The following VPS13C variants were observed in gnomAD, a reference collection of about 807,000 sequenced individuals.
VPS13C encodes intermembrane lipid transfer protein VPS13C.
VPS13C carries 358 observed loss-of-function variants against 456.8 expected under a neutral mutation model. The ratio of observed to expected loss-of-function variants is 0.78; its 90% CI spans 0.72 to 0.86. VPS13C has a LOEUF of 0.86. VPS13C is among the 40% of genes least tolerant of loss of function. VPS13C has a pLI of 0.00. For missense variants in VPS13C, 4,818 were observed against 4,385.4 expected, an observed-to-expected ratio of 1.10 and a Z score of -2.79; for synonymous variants, 1,578 against 1,486.7, an observed-to-expected ratio of 1.06 and a Z score of -1.41.
chr15:62,042,319 T>C (rs1287568651), intron 2 of VPS13C, among the ~76,000 whole-genome samples: 2 of 152,170 alleles, frequency 1.3e-5, no homozygotes, highest in Non-Finnish European at 2.9e-5. Context: ...TTTAGAATTA[T>C]TAAAAATTAA....
At chr15:62,027,013 GTAT>G (rs1288598511) in intron 6 of VPS13C, among the ~76,000 whole-genome samples, 1 of 151,816 alleles carries the variant, frequency 6.6e-6, no homozygotes, top group Non-Finnish European at 1.5e-5. Flanking sequence ...ATAATGCTTA[GTAT>G]TATTATGAAA....
rs756758620 is a variant in VPS13C at position 61,954,548 on chromosome 15, A to G, written c.4172T>C (p.Ile1391Thr). 2 of 1,574,920 alleles carry G rather than the reference A, an allele frequency of 1.3e-6. No homozygotes were observed. Among genetic ancestry groups the G allele is most frequent in the South Asian group, 2.4e-5 (2 of 82,188 alleles). ...TATAGAGATTTCAAGGGGCTCTTTA[A>G]TTTCACCTGAAATGTTTAAAAGAAA... is the stretch of plus-strand genomic sequence containing the variant. ...VKPRVQETGEIKEPLEISISQ... is the reference protein window; with the variant it reads ...VKPRVQETGETKEPLEISISQ... Residue 1391 changes from isoleucine to threonine, a missense_variant, in exon 38 of 85, where the codon ATT (isoleucine) becomes ACT (threonine). By Grantham distance (89) the Ile-to-Thr change is moderately conservative (BLOSUM62 -1). Transcript: ENST00000644861.
intron 65 of VPS13C, among the ~76,000 whole-genome samples, chr15:61,908,114 T>A (rs1196944602): frequency 6.6e-6 from 1 of 152,152 alleles, no homozygotes. Flanking sequence ...TTAACAAGAC[T>A]CCCAGGAGAT....
intron 9 of VPS13C, among the ~76,000 whole-genome samples, chr15:62,017,919 C>T (rs2047317609): frequency 6.6e-6 from 1 of 152,176 alleles, no homozygotes; most frequent in African/African-American, 2.4e-5. Context: ...TATCCATGAG[C>T]ATGGAATGTT....
chr15:62,027,313 A>G (rs891965014), intron 6 of VPS13C, among the ~76,000 whole-genome samples: 1 of 152,104 alleles, frequency 6.6e-6, no homozygotes, highest in African/African-American at 2.4e-5. Context: ...TGTTTTTAAC[A>G]ATGCTACCCA....
intron 80 of VPS13C, 43 bp downstream of exon 80, chr15:61,869,457 A>G (rs1305841394): frequency 6.3e-7 from 1 of 1,598,876 alleles, no homozygotes; most frequent in Non-Finnish European, 8.6e-7. Context: ...TGTAATAATT[A>G]GCACACAGAC....
chr15:61,990,578 A>C (rs1343971888), intron 18 of VPS13C, among the ~76,000 whole-genome samples: 1 of 152,156 alleles, frequency 6.6e-6, no homozygotes, highest in African/African-American at 2.4e-5. Context: ...TGGGAGGCCG[A>C]GGAAGGCAGG....
chr15:61,984,799 T>A, intron 19 of VPS13C, 58 bp downstream of exon 19: 1 of 1,541,446 alleles, frequency 6.5e-7, no homozygotes, highest in Non-Finnish European at 8.8e-7. Context: ...ATAACACACA[T>A]TTTTTGCCTA....
intron 39 of VPS13C, among the ~76,000 whole-genome samples, chr15:61,951,553 A>G (rs2044792463): frequency 6.6e-6 from 1 of 152,168 alleles, no homozygotes; most frequent in South Asian, 2.1e-4. Flanking sequence ...CATTTTTCAC[A>G]AATACATATT....
chr15:62,037,307 TA>T lies in VPS13C; in HGVS notation c.188-2256del, dbSNP rs1214593665. 9.8e-4 allele frequency among the ~76,000 whole-genome samples: 69 copies of T among 70,080 alleles called. 4 individuals carry two copies. Among genetic ancestry groups the T allele is most frequent in the East Asian group, 3.8e-3 (9 of 2,396 alleles). The allele number at this position is 70,080 out of a possible 152,430, so 46.0% of individuals were successfully genotyped here. On this transcript the variant is annotated intron_variant, in intron 3 of 84. Coordinates refer to ENST00000644861, the MANE Select transcript of VPS13C (RefSeq NM_020821.3). ...TATATATTATATTATATAATATATA[TA>T]TAAATATATTATATATTATATACAT...
chr15:61,929,476 T>A (rs2043980422), intron 51 of VPS13C, 25 bp downstream of exon 51: 1 of 1,607,820 alleles, frequency 6.2e-7, no homozygotes, highest in Non-Finnish European at 8.5e-7. Flanking sequence ...CAAGTTGTCA[T>A]CTATGACAGA....
chr15:62,013,008 G>A (rs1427784473), intron 11 of VPS13C, 31 bp downstream of exon 11: 1 of 1,562,784 alleles, frequency 6.4e-7, no homozygotes, highest in Non-Finnish European at 8.8e-7. Flanking sequence ...TGGGAGTGAA[G>A]TTAGCTCTTC....
chr15:61,873,604 A>G (rs1368486843), intron 77 of VPS13C, among the ~76,000 whole-genome samples, 195 bp from the exon 78 acceptor site: 1 of 152,196 alleles, frequency 6.6e-6, no homozygotes, highest in Non-Finnish European at 1.5e-5. Context: ...AGTGCAAATC[A>G]AAACCACAGT....
chr15:61,974,054 A>AG (rs1212916499), intron 25 of VPS13C, among the ~76,000 whole-genome samples: 24 of 152,278 alleles, frequency 1.6e-4, no homozygotes, highest in Non-Finnish European at 2.8e-4. Flanking sequence ...TTATAAGCCT[A>AG]ACATATAAGA....
Position 61,977,096 on chromosome 15 carries a change from G to C in VPS13C, c.2394C>G (p.Asp798Glu), listed in dbSNP as rs1291650109. The C allele has an allele frequency of 1.9e-6, 3 of 1,598,008 alleles. No individual in the cohort carries two copies. In the South Asian group the frequency reaches 3.4e-5, roughly 18 times the overall value. The change falls in exon 24 of 85, where the codon GAC (aspartate) becomes GAG (glutamate). Residue 798 changes from aspartate (D) to glutamate (E), a missense_variant. Coordinates refer to ENST00000644861, the MANE Select transcript of VPS13C (RefSeq NM_020821.3). ...VELAKAMVEK[D>E]IRMARFKVSG... ...TTATACATTACCTGGCCATTCTAAT[G>C]TCTTTTTCTACCATGGCCTTAGCCA... is the stretch of plus-strand genomic sequence containing the variant.
intron 16 of VPS13C, among the ~76,000 whole-genome samples, chr15:61,998,485 C>A (rs1182980464): frequency 6.6e-6 from 1 of 152,164 alleles, no homozygotes; most frequent in African/African-American, 2.4e-5. Context: ...GGCACATAAT[C>A]ATTTAAGTGT....
chr15:61,988,362 C>A (rs1026919288), intron 18 of VPS13C, among the ~76,000 whole-genome samples: 1 of 152,070 alleles, frequency 6.6e-6, no homozygotes, highest in African/African-American at 2.4e-5. Flanking sequence ...CTGCCTCAAC[C>A]AAATTTTAAA....
chr15:62,051,642 C>T (rs568059320), intron 1 of VPS13C, among the ~76,000 whole-genome samples: 11 of 152,260 alleles, frequency 7.2e-5, no homozygotes, highest in South Asian at 6.2e-4. Flanking sequence ...CACAGGCCAG[C>T]GTGGTTGTCG....
chr15:61,954,764 T>C (rs147750719), intron 37 of VPS13C, among the ~76,000 whole-genome samples: 1 of 152,096 alleles, frequency 6.6e-6, no homozygotes, highest in African/African-American at 2.4e-5. Context: ...CCTAGTCACA[T>C]TAAGTGAACA....
Sources: allele counts gnomAD v4.1 joint callset (sites outside exome capture counted in the v4.1 genomes callset), GRCh38; gene constraint gnomAD v4.1.1; transcripts MANE v1.5; gene names NCBI Gene and HGNC (gene_info 2026-07-23, HGNC 2026-07-21).